GPC6: variants seen among roughly 807,000 people sequenced by gnomAD.
The protein encoded by GPC6 is glypican 6.
In GPC6, 14 loss-of-function variants were observed where a neutral mutation model predicts 55.2. The observed-to-expected ratio is 0.25, with a 90% CI of 0.17 to 0.40. GPC6 has a LOEUF of 0.40. GPC6 is among the 10% of genes least tolerant of loss of function. GPC6 has a pLI of 1.00. For missense variants in GPC6, 641 were observed against 708.5 expected (o/e 0.90, Z 1.08); for synonymous variants, 278 against 259.6 (o/e 1.07, Z -0.68).
rs146087369 is a variant in GPC6, at chr13:94,313,819, T to C, written c.1152+7696T>C. On this transcript the variant is annotated intron_variant, in intron 6 of 8. Coordinates refer to ENST00000377047, the MANE Select transcript of GPC6 (RefSeq NM_005708.5). ...TAAGCAAGAGCTTTGGTGACCTCTGTATCATAAAAAATGAAATGTTACACT... is the reference window on the plus strand; with the variant it reads ...TAAGCAAGAGCTTTGGTGACCTCTGCATCATAAAAAATGAAATGTTACACT... Among the ~76,000 whole-genome samples the C allele has an allele frequency of 4.5e-3, 690 of 152,354 alleles. 3 individuals are homozygous for C. Among genetic ancestry groups the C allele is most frequent in the Non-Finnish European group, 7.7e-3 (525 of 68,038 alleles).
At chr13:93,511,977 T>C (rs1477377299) in intron 1 of GPC6, among the ~76,000 whole-genome samples, 1 of 152,030 alleles carries the variant, frequency 6.6e-6, no homozygotes, top group East Asian at 1.9e-4. Context: ...ATTTCTTTGT[T>C]GACTAGATCA....
chr13:93,967,723 A>T (rs1212787153), intron 3 of GPC6, among the ~76,000 whole-genome samples: 1 of 152,240 alleles, frequency 6.6e-6, no homozygotes, highest in South Asian at 2.1e-4. Context: ...GGAAAATTCT[A>T]GAGAAATCAC....
At chr13:93,274,937 G>T (rs1877675572) in intron 1 of GPC6, among the ~76,000 whole-genome samples, 1 of 152,040 alleles carries the variant, frequency 6.6e-6, no homozygotes, top group Non-Finnish European at 1.5e-5. Flanking sequence ...AAAAGACTAA[G>T]GAAAAAATGT....
intron 1 of GPC6, among the ~76,000 whole-genome samples, chr13:93,481,227 T>C (rs1489799371): frequency 6.6e-6 from 1 of 152,184 alleles, no homozygotes. Flanking sequence ...GCTGATTGTT[T>C]GTATATCTCT....
chr13:93,791,141 C>T (rs918378145), intron 2 of GPC6, among the ~76,000 whole-genome samples: 4 of 152,092 alleles, frequency 2.6e-5, no homozygotes, highest in Admixed American at 2.0e-4. Context: ...GAATGTGTAG[C>T]GATACCTATT....
chr13:94,323,999 A>G (rs1876977216), intron 6 of GPC6, among the ~76,000 whole-genome samples: 1 of 152,196 alleles, frequency 6.6e-6, no homozygotes, highest in South Asian at 2.1e-4. Context: ...ACTAGAAGAG[A>G]ACTGCAAGCT....
intron 1 of GPC6, among the ~76,000 whole-genome samples, chr13:93,322,537 AG>A (rs1879492069): frequency 1.4e-5 from 2 of 147,884 alleles, no homozygotes. Context: ...CTTGGGTTCA[AG>A]CGATTCTCCT....
chr13:93,267,418 C>T (rs1877361469), intron 1 of GPC6, among the ~76,000 whole-genome samples: 1 of 151,376 alleles, frequency 6.6e-6, no homozygotes, highest in Non-Finnish European at 1.5e-5. Context: ...TTACTATAGA[C>T]TTTAATTCTT....
intron 3 of GPC6, among the ~76,000 whole-genome samples, chr13:93,882,406 A>G (rs1875049376): frequency 6.6e-6 from 1 of 152,006 alleles, no homozygotes; most frequent in East Asian, 1.9e-4. Context: ...CAGGCTCCCA[A>G]AGTGCTGGGA....
At chr13:94,275,528 G>A (rs1043327702) in intron 4 of GPC6, among the ~76,000 whole-genome samples, 1 of 152,036 alleles carries the variant, frequency 6.6e-6, no homozygotes, top group African/African-American at 2.4e-5. Flanking sequence ...GAAAGGAGAA[G>A]ACCTGTGTTA....
At chr13:94,084,281 T>G (rs1885207129) in intron 4 of GPC6, among the ~76,000 whole-genome samples, 1 of 152,190 alleles carries the variant, frequency 6.6e-6, no homozygotes, top group Non-Finnish European at 1.5e-5. Flanking sequence ...AACTGAATCA[T>G]TATTAGAAAA....
At chr13:93,410,841 G>A (rs1876470797) in intron 1 of GPC6, among the ~76,000 whole-genome samples, 1 of 152,108 alleles carries the variant, frequency 6.6e-6, no homozygotes, top group South Asian at 2.1e-4. Flanking sequence ...GACTGTCACT[G>A]GAGTCTTTCT....
intron 1 of GPC6, among the ~76,000 whole-genome samples, chr13:93,537,984 A>G (rs1040691996): frequency 5.9e-5 from 9 of 152,206 alleles, no homozygotes; most frequent in African/African-American, 2.2e-4. Flanking sequence ...TCAAAAATGA[A>G]CAGCACTTTC....
At chr13:94,207,261 A>G (rs1425618704) in intron 4 of GPC6, among the ~76,000 whole-genome samples, 2 of 152,188 alleles carry the variant, frequency 1.3e-5, no homozygotes, top group Non-Finnish European at 2.9e-5. Flanking sequence ...CCATGTCTGC[A>G]TGCATTACTA....
At position 93,780,652 on chromosome 13, in the gene GPC6, A is replaced by G. The variant is rs1885614078; in HGVS notation, c.320-49502A>G. Among the ~76,000 whole-genome samples, 8 of 151,676 alleles carry G rather than the reference A, an allele frequency of 5.3e-5. 1 individual carries two copies. The South Asian group carries it at 1.7e-3, about 32-fold the overall frequency. On this transcript the variant is annotated intron_variant, in intron 2 of 8. Coordinates refer to ENST00000377047, the MANE Select transcript of GPC6 (RefSeq NM_005708.5). ...ACACAAAATAAAATTTTAAGATGTA[A>G]CTTCTATGCTTATCTAAGGTTACTC...
At chr13:93,242,772 C>T (rs1214433958) in intron 1 of GPC6, among the ~76,000 whole-genome samples, 1 of 152,106 alleles carries the variant, frequency 6.6e-6, no homozygotes, top group Non-Finnish European at 1.5e-5. Context: ...AGAGTGCTCC[C>T]TTGGTATGAT....
At chr13:93,404,726 C>G (rs1876221775) in intron 1 of GPC6, among the ~76,000 whole-genome samples, 1 of 151,988 alleles carries the variant, frequency 6.6e-6, no homozygotes, top group Non-Finnish European at 1.5e-5. Flanking sequence ...TAATAAAATT[C>G]CTATTCCCTA....
intron 3 of GPC6, among the ~76,000 whole-genome samples, chr13:93,894,696 A>G (rs1014068619): frequency 1.3e-5 from 2 of 152,144 alleles, no homozygotes; most frequent in African/African-American, 4.8e-5. Context: ...CACCTTAACT[A>G]ACAGATTTGT....
chr13:93,504,778 A>C (rs1880648803), intron 1 of GPC6, among the ~76,000 whole-genome samples: 1 of 152,182 alleles, frequency 6.6e-6, no homozygotes, highest in South Asian at 2.1e-4. Context: ...AGTTCCTACT[A>C]TCTGCCATTC....
Sources: allele counts gnomAD v4.1 joint callset (sites outside exome capture counted in the v4.1 genomes callset), GRCh38; gene constraint gnomAD v4.1.1; transcripts MANE v1.5; gene names NCBI Gene and HGNC (gene_info 2026-07-23, HGNC 2026-07-21).